NETO1: variants seen among roughly 807,000 people sequenced by gnomAD.
NETO1 encodes neuropilin and tolloid-like protein 1.
NETO1 carries 26 observed loss-of-function variants against 61.3 expected under a neutral mutation model. That is an observed-to-expected ratio of 0.42 (90% CI 0.31 to 0.59). The LOEUF is 0.59. Among genes scored for constraint, NETO1 ranks in the 20% least tolerant of loss-of-function variants. The pLI, the probability that NETO1 is intolerant of heterozygous loss-of-function variation, is 0.12. For missense variants in NETO1, 531 were observed against 662.8 expected, an observed-to-expected ratio of 0.80 and a Z score of 2.18; for synonymous variants, 225 against 225.8, an observed-to-expected ratio of 1.00 and a Z score of 0.03.
At chr18:72,794,433 C>T (rs1266163678) in intron 4 of NETO1, 29 bp from the exon 5 acceptor site, 3 of 1,592,880 alleles carry the variant, frequency 1.9e-6, no homozygotes, top group Non-Finnish European at 8.5e-7. Context: ...GACAATTAGT[C>T]CCATTCTACA....
In NETO1 at chr18:72,865,741, G is replaced by T. The variant is rs1319462370; in HGVS notation, c.29-500C>A. On this transcript the variant is annotated intron_variant, in intron 1 of 10. Coordinates refer to ENST00000327305, the MANE Select transcript of NETO1 (RefSeq NM_138966.5). The stretch of plus-strand genomic sequence containing the variant: ...ACTTAGACAAATCCTACAGACTGTG[G>T]AGGAGGAGAATAAGCAAGAAACAGA... The T allele has an allele frequency of 2.0e-6, 3 of 1,480,492 alleles. No homozygotes were observed. In the East Asian group the frequency reaches 7.6e-5, roughly 38 times the overall value. 91.7% of individuals were successfully genotyped at this position (1,480,492 alleles called of 1,614,324 possible). A position where few individuals can be genotyped will look rare whatever the true frequency, so the allele number is the denominator to read the frequency against.
intron 3 of NETO1, among the ~76,000 whole-genome samples, chr18:72,863,368 T>C (rs1461980179): frequency 6.6e-6 from 1 of 152,216 alleles, no homozygotes; most frequent in Non-Finnish European, 1.5e-5. Context: ...TGTATTCTTC[T>C]CTTTGGCTTC....
At chr18:72,829,472 C>A (rs1430533533) in intron 4 of NETO1, among the ~76,000 whole-genome samples, 2 of 152,150 alleles carry the variant, frequency 1.3e-5, no homozygotes, top group African/African-American at 2.4e-5. Flanking sequence ...ATCATTACTG[C>A]TATGATAGCA....
chr18:72,852,340 G>A (rs1454844534), intron 4 of NETO1, among the ~76,000 whole-genome samples: 2 of 151,918 alleles, frequency 1.3e-5, no homozygotes, highest in East Asian at 1.9e-4. Context: ...TCAGCCTCCC[G>A]AGTAGCTGGG....
At chr18:72,820,282 C>T (rs560753600) in intron 4 of NETO1, among the ~76,000 whole-genome samples, 4 of 152,206 alleles carry the variant, frequency 2.6e-5, no homozygotes, top group South Asian at 2.1e-4. Context: ...TTTATAAGCA[C>T]GTTTCTAAAG....
chr18:72,817,191 C>A (rs137993743), intron 4 of NETO1, among the ~76,000 whole-genome samples: 7 of 152,174 alleles, frequency 4.6e-5, no homozygotes, highest in Non-Finnish European at 8.8e-5. Context: ...CTAGACATGG[C>A]GGTTCCTGCT....
intron 7 of NETO1, among the ~76,000 whole-genome samples, chr18:72,769,596 A>G (rs1599131169): frequency 6.6e-6 from 1 of 152,358 alleles, no homozygotes; most frequent in South Asian, 2.1e-4. Context: ...TAGAAAAATT[A>G]GAAAATACAG....
intron 4 of NETO1, among the ~76,000 whole-genome samples, chr18:72,852,505 G>A (rs888746322): frequency 1.3e-5 from 2 of 151,916 alleles, no homozygotes; most frequent in Admixed American, 6.6e-5. Flanking sequence ...GTGAGCCACC[G>A]TGCCCGGCCG....
intron 7 of NETO1, among the ~76,000 whole-genome samples, chr18:72,760,076 G>C (rs751752302): frequency 2.6e-5 from 4 of 152,134 alleles, no homozygotes; most frequent in Non-Finnish European, 5.9e-5. Context: ...ATTTAGACAC[G>C]AGACCCTCCA....
At position 72,761,777 on chromosome 18, in the gene NETO1, A is replaced by C. The variant is rs114050677; in HGVS notation, c.869-5630T>G. 2.9e-3 allele frequency among the ~76,000 whole-genome samples: 441 copies of C among 152,336 alleles called. 2 individuals carry two copies. Among genetic ancestry groups the C allele is most frequent in the African/African-American group, 0.01 (422 of 41,590 alleles). Reference sequence around the variant, plus strand: ...ATGGGTACCTTAACTCTAATTTAAAAATTCCAATAAAATAATCTTCAGTTA... The same window carrying C: ...ATGGGTACCTTAACTCTAATTTAAACATTCCAATAAAATAATCTTCAGTTA... On this transcript the variant is annotated intron_variant, in intron 7 of 10. Coordinates refer to ENST00000327305, the MANE Select transcript of NETO1 (RefSeq NM_138966.5).
Position 72,861,567 on chromosome 18 carries a change from G to T in NETO1, c.221-2493C>A, listed in dbSNP as rs554840695. Among the ~76,000 whole-genome samples the T allele has an allele frequency of 7.5e-4, 114 of 152,276 alleles. 1 individual carries two copies. The South Asian group carries it at 0.023, about 31-fold the overall frequency. ...CTTTGAGAATCTTCAGACGCACTGA[G>T]AACTATGAGCACTTTCACCTGGATA... On this transcript the variant is annotated intron_variant, in intron 3 of 10. Coordinates refer to ENST00000327305, the MANE Select transcript of NETO1 (RefSeq NM_138966.5).
At position 72,783,584 on chromosome 18, in the gene NETO1, GCTCA is replaced by G. The variant is rs1383926413; in HGVS notation, c.868+90_868+93del. ...AACATATTAGAGAATAGCCTGCTGT[GCTCA>G]CTGTGTGAAGAAAACACCATTAACA... is the stretch of plus-strand genomic sequence containing the variant. On this transcript the variant is annotated intron_variant, in intron 7 of 10. Coordinates refer to ENST00000327305, the MANE Select transcript of NETO1 (RefSeq NM_138966.5). 5 of 1,003,286 alleles carry G rather than the reference GCTCA, an allele frequency of 5.0e-6. No individual in the cohort carries two copies. The African/African-American group carries it at 7.9e-5, about 16-fold the overall frequency. 62.1% of individuals were successfully genotyped at this position (1,003,286 alleles called of 1,614,324 possible). A position where few individuals can be genotyped will look rare whatever the true frequency, so the allele number is the denominator to read the frequency against.
Position 72,746,609 on chromosome 18 carries a change from G to A in NETO1, c.*1570C>T, listed in dbSNP as rs1306712680. Among the ~76,000 whole-genome samples, 2 of 151,476 alleles carry A rather than the reference G, an allele frequency of 1.3e-5. No homozygotes were observed. Among genetic ancestry groups the A allele is most frequent in the African/African-American group, 4.9e-5 (2 of 41,216 alleles). On this transcript the variant is annotated 3_prime_UTR_variant, in exon 11 of 11. Coordinates refer to ENST00000327305, the MANE Select transcript of NETO1 (RefSeq NM_138966.5). ...CTTATTTTTTAACATATATGACATT[G>A]TATTCCTAGTAGGGAAGTATAACAG...
At chr18:72,757,601 A>G (rs554273319) in intron 7 of NETO1, among the ~76,000 whole-genome samples, 13 of 152,276 alleles carry the variant, frequency 8.5e-5, no homozygotes, top group African/African-American at 3.1e-4. Flanking sequence ...AATTAAGAGT[A>G]GAAAATATGT....
At chr18:72,801,958 A>G (rs997512509) in intron 4 of NETO1, among the ~76,000 whole-genome samples, 4 of 152,170 alleles carry the variant, frequency 2.6e-5, no homozygotes, top group African/African-American at 9.7e-5. Flanking sequence ...GATGAACCTG[A>G]CATTTCAAAC....
At chr18:72,756,397 G>A (rs1295355097) in intron 7 of NETO1, among the ~76,000 whole-genome samples, 4 of 152,054 alleles carry the variant, frequency 2.6e-5, no homozygotes, top group Non-Finnish European at 4.4e-5. Flanking sequence ...TCATTAAAAT[G>A]AAGAACATTA....
chr18:72,867,305 A>C lies in NETO1; in HGVS notation c.-14T>G. ...CCCATGGATCATGTCTGTGCGTTAC[A>C]CCAGAGGCTCCGGGCTCCACTAATT... On this transcript the variant is annotated 5_prime_UTR_variant, in exon 1 of 11. Coordinates refer to ENST00000327305, the MANE Select transcript of NETO1 (RefSeq NM_138966.5). 6.4e-7 allele frequency: 1 copy of C among 1,565,122 alleles called. No homozygotes were observed. The highest frequency in any genetic ancestry group is 8.7e-7 in the Non-Finnish European group (1 of 1,155,820).
chr18:72,825,002 A>G (rs2073329862), intron 4 of NETO1, among the ~76,000 whole-genome samples: 1 of 152,238 alleles, frequency 6.6e-6, no homozygotes, highest in African/African-American at 2.4e-5. Context: ...AAGGCAAAAT[A>G]AAACAAGAAA....
At position 72,772,815 on chromosome 18, in the gene NETO1, CTCTCTCTCTCTATATATATATATATA is replaced by C. The variant is rs1372004793; in HGVS notation, c.868+10837_868+10862del. Among the ~76,000 whole-genome samples, 223 of 53,830 alleles carry C rather than the reference CTCTCTCTCTCTATATATATATATATA, an allele frequency of 4.1e-3. 7 individuals are homozygous for C. Among genetic ancestry groups the C allele is most frequent in the South Asian group, 0.014 (14 of 986 alleles). 35.3% of individuals were successfully genotyped at this position (53,830 alleles called of 152,430 possible). Reference sequence around the variant, plus strand: ...TAGTTCTCTCTCTCTCTCTCTCTCTCTCTCTCTCTCTATATATATATATATATATATATATATATATATATATATAT... The same window carrying C: ...TAGTTCTCTCTCTCTCTCTCTCTCTCTATATATATATATATATATATATAT... On this transcript the variant is annotated intron_variant, in intron 7 of 10. Transcript: ENST00000327305.
Sources: allele counts gnomAD v4.1 joint callset (sites outside exome capture counted in the v4.1 genomes callset), GRCh38; gene constraint gnomAD v4.1.1; transcripts MANE v1.5; gene names NCBI Gene and HGNC (gene_info 2026-07-23, HGNC 2026-07-21).